ENTREP2: variants seen among roughly 807,000 people sequenced by gnomAD.
ENTREP2 encodes endosomal transmembrane epsin interactor 2.
chr15:29,330,442 C>T, the ENTREP2 span, among the ~76,000 whole-genome samples: 8 of 152,050 alleles, frequency 5.3e-5, no homozygotes, highest in Non-Finnish European at 5.9e-5. Context: ...GAGCGAGACT[C>T]TGTCTCAAAA....
At chr15:29,471,890 C>T in the ENTREP2 span, among the ~76,000 whole-genome samples, 1 of 152,164 alleles carries the variant, frequency 6.6e-6, no homozygotes, top group East Asian at 1.9e-4. Flanking sequence ...CCAGCAGCCC[C>T]GGGAGAATCA....
chr15:29,615,632 T>G, the ENTREP2 span, among the ~76,000 whole-genome samples: 2 of 152,138 alleles, frequency 1.3e-5, no homozygotes, highest in Non-Finnish European at 2.9e-5. Context: ...ACCTAAATGT[T>G]TGAGTCATTC....
At chr15:29,232,389 T>C in the ENTREP2 span, among the ~76,000 whole-genome samples, 2 of 152,138 alleles carry the variant, frequency 1.3e-5, no homozygotes, top group Non-Finnish European at 2.9e-5. Context: ...CAACCAAATA[T>C]TATGGCTTTA....
chr15:29,347,915 T>C, the ENTREP2 span, among the ~76,000 whole-genome samples: 2 of 152,138 alleles, frequency 1.3e-5, no homozygotes, highest in South Asian at 2.1e-4. Flanking sequence ...GAGCCTTGTA[T>C]TGGGAGACCA....
chr15:29,576,467 C>T, the ENTREP2 span, among the ~76,000 whole-genome samples: 5 of 152,156 alleles, frequency 3.3e-5, no homozygotes, highest in African/African-American at 1.2e-4. Flanking sequence ...AAAAAATAAA[C>T]AAATTATACT....
the ENTREP2 span, among the ~76,000 whole-genome samples, chr15:29,137,425 T>C: frequency 6.6e-6 from 1 of 152,152 alleles, no homozygotes; most frequent in Non-Finnish European, 1.5e-5. Flanking sequence ...TGCCTCTTTT[T>C]AAAGAAAACA....
At chr15:29,490,613 T>C in the ENTREP2 span, among the ~76,000 whole-genome samples, 8 of 152,130 alleles carry the variant, frequency 5.3e-5, no homozygotes, top group Non-Finnish European at 1.2e-4. Context: ...AGAGTGCTGA[T>C]TGGTGTATTT....
At chr15:29,171,574 T>C in the ENTREP2 span, among the ~76,000 whole-genome samples, 1 of 152,250 alleles carries the variant, frequency 6.6e-6, no homozygotes, top group East Asian at 1.9e-4. Flanking sequence ...GGTATAGTTT[T>C]TTTCCTTCAA....
At chr15:29,664,658 C>T in the ENTREP2 span, among the ~76,000 whole-genome samples, 2 of 152,118 alleles carry the variant, frequency 1.3e-5, no homozygotes, top group Admixed American at 1.3e-4. Flanking sequence ...CCTGGGCAGA[C>T]TCCCTAAAAT....
the ENTREP2 span, among the ~76,000 whole-genome samples, chr15:29,241,795 G>A: frequency 6.6e-6 from 1 of 152,176 alleles, no homozygotes; most frequent in African/African-American, 2.4e-5. Context: ...TGCTTTGGGA[G>A]GCTAAGGCCG....
chr15:29,117,850 C>T, the ENTREP2 span: 1 of 152,252 alleles, frequency 6.6e-6, no homozygotes, highest in African/African-American at 2.4e-5. Flanking sequence ...GGGCACCCTC[C>T]CACCCGGCTG....
chr15:29,387,543 C>T, the ENTREP2 span, among the ~76,000 whole-genome samples: 3 of 152,264 alleles, frequency 2.0e-5, no homozygotes, highest in East Asian at 1.9e-4. Flanking sequence ...GGACATAATG[C>T]CGAAGGTAAT....
At chr15:29,300,376 T>G in the ENTREP2 span, among the ~76,000 whole-genome samples, 1 of 139,398 alleles carries the variant, frequency 7.2e-6, no homozygotes, top group Non-Finnish European at 1.5e-5. Flanking sequence ...CATGGATGGA[T>G]GGATGGATAG....
chr15:29,590,701 A>AG, the ENTREP2 span, among the ~76,000 whole-genome samples: 9 of 149,900 alleles, frequency 6.0e-5, no homozygotes, highest in South Asian at 8.5e-4. Flanking sequence ...AAAAAAAAAA[A>AG]AAAGAAAAAG....
the ENTREP2 span, among the ~76,000 whole-genome samples, chr15:29,231,125 T>C: frequency 2.6e-5 from 4 of 152,152 alleles, no homozygotes; most frequent in Non-Finnish European, 5.9e-5. Flanking sequence ...AACAAAAAGG[T>C]ATGTAAAAAC....
At chr15:29,247,969 G>T in the ENTREP2 span, among the ~76,000 whole-genome samples, 1 of 152,216 alleles carries the variant, frequency 6.6e-6, no homozygotes, top group East Asian at 1.9e-4. Context: ...GCCAACAGAA[G>T]AAGCTTCCTT....
the ENTREP2 span, among the ~76,000 whole-genome samples, chr15:29,379,974 C>A: frequency 2.0e-5 from 3 of 151,952 alleles, no homozygotes; most frequent in Admixed American, 6.6e-5. Context: ...ACACTGCATA[C>A]CCCGAGGATG....
At chr15:29,207,171 T>G in the ENTREP2 span, among the ~76,000 whole-genome samples, 1 of 152,138 alleles carries the variant, frequency 6.6e-6, no homozygotes, top group Admixed American at 6.5e-5. Context: ...ATGCAGTCCC[T>G]GCCAGACCTG....
the ENTREP2 span, chr15:29,151,935 C>A: frequency 1.1e-6 from 1 of 878,886 alleles, no homozygotes; most frequent in African/African-American, 1.7e-5. Context: ...GAGCCGAGGT[C>A]GATGACCATC....
Sources: allele counts gnomAD v4.1 joint callset (sites outside exome capture counted in the v4.1 genomes callset), GRCh38; gene constraint gnomAD v4.1.1; transcripts MANE v1.5; gene names NCBI Gene and HGNC (gene_info 2026-07-23, HGNC 2026-07-21).